CRADD: variants seen among roughly 807,000 people sequenced by gnomAD.
CRADD encodes the protein death domain-containing protein CRADD.
CRADD carries 9 observed loss-of-function variants against 15.5 expected under a neutral mutation model. The ratio of observed to expected loss-of-function variants is 0.58; its 90% CI spans 0.35 to 1.01. The LOEUF is 1.01. CRADD is among the 50% of genes least tolerant of loss of function. The pLI is 0.02. For synonymous variants in CRADD, 118 were observed against 107.6 expected (o/e 1.10, Z -0.60); for missense variants, 227 against 250.3 (o/e 0.91, Z 0.63).
chr12:93,892,225 C>T (rs1221535631), intron 2 of CRADD, among the ~76,000 whole-genome samples: 2 of 152,178 alleles, frequency 1.3e-5, no homozygotes, highest in Non-Finnish European at 2.9e-5. Flanking sequence ...GGCAGGTACA[C>T]CCAATGTCTG....
intron 2 of CRADD, chr12:93,738,619 A>T: frequency 1.7e-6 from 1 of 579,880 alleles, no homozygotes; most frequent in East Asian, 2.9e-5. Flanking sequence ...ATAAAAACTA[A>T]AACTGATGTC....
rs369739318 is a variant in CRADD at position 93,683,261 on chromosome 12, G to T, written c.298+4189G>T. The stretch of plus-strand genomic sequence containing the variant: ...TCCTGGGCCACAGGACCCCCTCCCT[G>T]TTCCACTGTGTTGGCCCTGGCTGTG... On this transcript the variant is annotated intron_variant, in intron 2 of 2. Transcript: ENST00000332896. Among the ~76,000 whole-genome samples the T allele has an allele frequency of 1.2e-4, 19 of 152,330 alleles. No individual in the cohort carries two copies. The East Asian group carries it at 1.7e-3, about 14-fold the overall frequency.
chr12:93,841,176 A>G (rs1958043019), intron 2 of CRADD, among the ~76,000 whole-genome samples: 2 of 152,220 alleles, frequency 1.3e-5, no homozygotes, highest in Non-Finnish European at 2.9e-5. Context: ...AACGTAGGAT[A>G]CATTCTACTT....
chr12:93,850,035 C>T lies in CRADD; in HGVS notation c.364C>T (p.Gln122Ter). 6.2e-7 allele frequency: 1 copy of T among 1,611,036 alleles called. No homozygotes were observed. Residue 122 changes from glutamine to a stop codon, truncating the protein, a stop_gained, in exon 3 of 3, where the codon CAG (glutamine) becomes TAG (stop). Transcript: ENST00000332896. LOFTEE classifies it high-confidence loss of function. The surrounding 1 kb of genome is among the most constrained non-coding windows in gnomAD (Gnocchi z 4.0). ...NSSPSDRQIN[Q>*]LAQRLGPEWE... is the part of the protein sequence containing the mutation. The stretch of plus-strand genomic sequence containing the variant: ...CTCCCCATCAGACCGGCAGATTAAC[C>T]AGCTGGCCCAGAGGCTGGGCCCTGA...
At chr12:93,823,512 G>C (rs1309642059) in intron 2 of CRADD, among the ~76,000 whole-genome samples, 1 of 152,090 alleles carries the variant, frequency 6.6e-6, no homozygotes, top group African/African-American at 2.4e-5. Flanking sequence ...TTCATTAATT[G>C]GTTGGATCAA....
downstream of CRADD, among the ~76,000 whole-genome samples, chr12:93,853,790 C>T (rs556825724): frequency 2.6e-5 from 4 of 152,266 alleles, no homozygotes; most frequent in South Asian, 2.1e-4. Context: ...TGTGATGGCA[C>T]GCTTATGAAG....
At chr12:93,866,553 T>G (rs1367533056) in intron 2 of CRADD, among the ~76,000 whole-genome samples, 1 of 152,200 alleles carries the variant, frequency 6.6e-6, no homozygotes, top group Non-Finnish European at 1.5e-5. Flanking sequence ...TTTAATCTCT[T>G]TGTTTTTAGT....
chr12:93,760,252 G>A (rs1016552365), intron 2 of CRADD, among the ~76,000 whole-genome samples: 5 of 152,178 alleles, frequency 3.3e-5, no homozygotes, highest in African/African-American at 4.8e-5. Flanking sequence ...GTTTTCTCTT[G>A]GAAAAGAGCG....
chr12:93,771,405 T>A (rs1957084019), intron 2 of CRADD, among the ~76,000 whole-genome samples: 1 of 152,262 alleles, frequency 6.6e-6, no homozygotes, highest in East Asian at 1.9e-4. Context: ...TGGCCATTTG[T>A]AGTTCTTTTG....
chr12:93,723,990 A>G (rs906739116), intron 2 of CRADD, among the ~76,000 whole-genome samples: 2 of 152,182 alleles, frequency 1.3e-5, no homozygotes, highest in African/African-American at 4.8e-5. Context: ...TCCTGAGGAC[A>G]GGCCTTGTTA....
chr12:93,722,069 C>T (rs763408528), intron 2 of CRADD, among the ~76,000 whole-genome samples: 17 of 152,204 alleles, frequency 1.1e-4, no homozygotes, highest in Non-Finnish European at 1.0e-4. Context: ...CTGAGAAAGT[C>T]GTTATTTCTC....
chr12:93,732,132 G>A (rs1399521971), intron 2 of CRADD, among the ~76,000 whole-genome samples: 16 of 144,452 alleles, frequency 1.1e-4, no homozygotes, highest in Non-Finnish European at 1.3e-4. Context: ...GTGAAATTCC[G>A]TCTCAAGAAA....
intron 2 of CRADD, among the ~76,000 whole-genome samples, chr12:93,791,073 A>G (rs1957344227): frequency 6.6e-6 from 1 of 152,170 alleles, no homozygotes; most frequent in African/African-American, 2.4e-5. Context: ...ATACTATATT[A>G]TGTAAATTAG....
intron 2 of CRADD, among the ~76,000 whole-genome samples, chr12:93,734,467 A>G (rs1166200971): frequency 2.0e-5 from 3 of 152,182 alleles, no homozygotes; most frequent in Admixed American, 2.0e-4. Flanking sequence ...CCACTTTTGT[A>G]TTCTAAACAA....
chr12:93,852,379 C>T (rs956372428), downstream of CRADD, among the ~76,000 whole-genome samples: 1 of 152,254 alleles, frequency 6.6e-6, no homozygotes, highest in Non-Finnish European at 1.5e-5. Flanking sequence ...CATAAAGACA[C>T]TCGTGGGCTC....
chr12:93,870,705 C>T (rs968438094), intron 2 of CRADD, among the ~76,000 whole-genome samples: 18 of 152,158 alleles, frequency 1.2e-4, no homozygotes, highest in African/African-American at 4.1e-4. Flanking sequence ...CCAGGGACTG[C>T]TACTCCTCCT....
downstream of CRADD, among the ~76,000 whole-genome samples, chr12:93,854,652 G>A (rs536713311): frequency 1.1e-4 from 17 of 152,212 alleles, no homozygotes; most frequent in African/African-American, 4.1e-4. Flanking sequence ...TTGAATCACA[G>A]TAACAGGCAA....
At chr12:93,681,896 TAGAG>T in intron 2 of CRADD, among the ~76,000 whole-genome samples, 1 of 152,242 alleles carries the variant, frequency 6.6e-6, no homozygotes, top group Admixed American at 6.5e-5. Flanking sequence ...TATATGTATA[TAGAG>T]AGAGATATAT....
At chr12:93,864,737 G>A (rs534015745) in intron 2 of CRADD, among the ~76,000 whole-genome samples, 12 of 152,290 alleles carry the variant, frequency 7.9e-5, no homozygotes, top group East Asian at 3.9e-4. Flanking sequence ...ACACAAAAAC[G>A]TATGTGTACC....
Sources: allele counts gnomAD v4.1 joint callset (sites outside exome capture counted in the v4.1 genomes callset), GRCh38; gene constraint gnomAD v4.1.1; non-coding constraint Gnocchi (gnomAD v3.1); transcripts MANE v1.5; gene names NCBI Gene and HGNC (gene_info 2026-07-23, HGNC 2026-07-21).